Variants in FOCAD observed in about 807,000 individuals in gnomAD.
FOCAD encodes focadhesin.
FOCAD carries 198 observed loss-of-function variants against 225.6 expected under a neutral mutation model. The ratio of observed to expected loss-of-function variants is 0.88; its 90% CI spans 0.78 to 0.99. The LOEUF (loss-of-function observed/expected upper bound fraction) is 0.99. FOCAD is among the 50% of genes least tolerant of loss of function. The pLI, the probability that FOCAD is intolerant of heterozygous loss-of-function variation, is 0.00. For synonymous variants in FOCAD, 897 were observed against 755.0 expected (o/e 1.19, Z -3.08); for missense variants, 2,713 against 2,123.6 (o/e 1.28, Z -5.46).
At chr9:20,790,221 C>T (rs1820379726) in intron 11 of FOCAD, among the ~76,000 whole-genome samples, 1 of 152,166 alleles carries the variant, frequency 6.6e-6, no homozygotes, top group Non-Finnish European at 1.5e-5. Flanking sequence ...CAGCCTTTTA[C>T]ACTAACCACA....
intron 41 of FOCAD, among the ~76,000 whole-genome samples, chr9:20,989,756 C>T (rs1179776184): frequency 6.6e-6 from 1 of 152,186 alleles, no homozygotes; most frequent in East Asian, 1.9e-4. Context: ...ATAAATATTT[C>T]TTCATTTTGT....
intron 21 of FOCAD, among the ~76,000 whole-genome samples, chr9:20,898,844 G>A (rs991656668): frequency 6.6e-6 from 1 of 151,958 alleles, no homozygotes; most frequent in Non-Finnish European, 1.5e-5. Context: ...TAGGTCTTTA[G>A]TAATGTAGTG....
intron 20 of FOCAD, 46 bp from the exon 21 acceptor site, chr9:20,885,063 A>T (rs1830995138): frequency 1.7e-6 from 2 of 1,153,020 alleles, no homozygotes; most frequent in African/African-American, 3.3e-5. Flanking sequence ...TGTCTTAAAA[A>T]AATAAAAATA....
intron 5 of FOCAD, among the ~76,000 whole-genome samples, chr9:20,745,838 C>T (rs749758131): frequency 4.6e-5 from 7 of 152,054 alleles, no homozygotes; most frequent in African/African-American, 7.2e-5. Flanking sequence ...ATGGTGTGCT[C>T]GGAAGTGGAC....
intron 4 of FOCAD, among the ~76,000 whole-genome samples, chr9:20,729,021 C>G (rs1826443505): frequency 6.6e-6 from 1 of 152,194 alleles, no homozygotes; most frequent in Non-Finnish European, 1.5e-5. Context: ...GGCAGCCAGA[C>G]TGAGATTGGA....
In FOCAD at chr9:20,874,731, T is replaced by C. The variant is rs1027609541; in HGVS notation, c.2241T>C (p.Val747=). Residue 747 remains valine (V), a synonymous_variant, in exon 19 of 44, where the codon GTT becomes GTC. Coordinates refer to ENST00000338382, the MANE Select transcript of FOCAD (RefSeq NM_001375567.1). ...AAGAGTTAGATGACGATGAAGATGT[T>C]GAGGATGTGGATCTTTCAGTTCCTG... ...IPEELDDDED[V]EDVDLSVPGS... 6 of 1,613,598 alleles carry C rather than the reference T, an allele frequency of 3.7e-6. No homozygotes were observed. Among genetic ancestry groups the C allele is most frequent in the Non-Finnish European group, 5.1e-6 (6 of 1,179,676 alleles).
At chr9:20,938,395 C>G (rs1020209639) in intron 28 of FOCAD, among the ~76,000 whole-genome samples, 2 of 152,122 alleles carry the variant, frequency 1.3e-5, no homozygotes, top group Non-Finnish European at 2.9e-5. Flanking sequence ...GAATACTATG[C>G]AGCCATAAAA....
At chr9:20,907,852 C>A (rs1489706890) in intron 22 of FOCAD, among the ~76,000 whole-genome samples, 2 of 152,074 alleles carry the variant, frequency 1.3e-5, no homozygotes, top group Admixed American at 1.3e-4. Flanking sequence ...TCTCTCCCCA[C>A]TGGATTATAT....
intron 15 of FOCAD, among the ~76,000 whole-genome samples, chr9:20,840,905 AG>A (rs1189077603): frequency 6.6e-6 from 1 of 151,880 alleles, no homozygotes; most frequent in Non-Finnish European, 1.5e-5. Context: ...TTCTATACCC[AG>A]TTTTTTTAGA....
chr9:20,724,012 A>T (rs1399331778), intron 4 of FOCAD, among the ~76,000 whole-genome samples: 1 of 152,184 alleles, frequency 6.6e-6, no homozygotes, highest in Non-Finnish European at 1.5e-5. Flanking sequence ...TCTTTTAAAT[A>T]ACCAGATCTC....
rs192758336 is a variant in FOCAD at position 20,764,703 on chromosome 9, A to G, written c.495-166A>G. Among the ~76,000 whole-genome samples, 377 of 152,350 alleles carry G rather than the reference A, an allele frequency of 2.5e-3. 1 individual carries two copies. Among genetic ancestry groups the G allele is most frequent in the African/African-American group, 8.4e-3 (351 of 41,572 alleles). On this transcript the variant is annotated intron_variant, in intron 6 of 43. Transcript: ENST00000338382. ...CTCAGTGTACAAAGAACTGTTTGGC[A>G]TAGATGTAGGCAGGTCATAGCGGAA...
At chr9:20,922,597 G>A (rs1233999583) in intron 24 of FOCAD, among the ~76,000 whole-genome samples, 1 of 152,318 alleles carries the variant, frequency 6.6e-6, no homozygotes, top group African/African-American at 2.4e-5. Flanking sequence ...GGCTCATTTA[G>A]GGAGCAGAGC....
rs372641010 is a variant in FOCAD, at chr9:20,804,480, A to G, written c.1455+14872A>G. 9.9e-5 allele frequency among the ~76,000 whole-genome samples: 15 copies of G among 152,260 alleles called. 1 individual carries two copies. The East Asian group carries it at 2.7e-3, about 28-fold the overall frequency. ...CTGGAATCATTTTTAAAACAGTAGA[A>G]AAATGAAGAATCATGCATGCATATA... is the stretch of plus-strand genomic sequence containing the variant. On this transcript the variant is annotated intron_variant, in intron 11 of 43. Transcript: ENST00000338382.
Position 20,810,993 on chromosome 9 carries a change from T to A in FOCAD, c.1456-8803T>A, listed in dbSNP as rs1823004370. Reference sequence around the variant, plus strand: ...TCCTAGTAACCTTTATTGGATGGGCTAATTTTTCTGATTCTAAGTTAACTT... The same window carrying A: ...TCCTAGTAACCTTTATTGGATGGGCAAATTTTTCTGATTCTAAGTTAACTT... On this transcript the variant is annotated intron_variant, in intron 11 of 43. Transcript: ENST00000338382. 4.6e-5 allele frequency among the ~76,000 whole-genome samples: 7 copies of A among 152,264 alleles called. No homozygotes were observed. The South Asian group carries it at 1.5e-3, about 32-fold the overall frequency.
intron 2 of FOCAD, among the ~76,000 whole-genome samples, chr9:20,717,267 A>G (rs900538086): frequency 6.6e-6 from 1 of 152,228 alleles, no homozygotes; most frequent in Non-Finnish European, 1.5e-5. Flanking sequence ...ATTCACAGCT[A>G]TACCGTAATT....
intron 5 of FOCAD, among the ~76,000 whole-genome samples, chr9:20,744,443 A>G (rs1019021776): frequency 5.3e-5 from 8 of 152,214 alleles, no homozygotes; most frequent in Non-Finnish European, 1.2e-4. Context: ...AAGATTAGGC[A>G]TAGATATTTA....
At chr9:20,813,276 G>C (rs950294129) in intron 11 of FOCAD, among the ~76,000 whole-genome samples, 2 of 152,048 alleles carry the variant, frequency 1.3e-5, no homozygotes, top group Non-Finnish European at 2.9e-5. Flanking sequence ...TGGACATTTA[G>C]GTTGTTTCCA....
At chr9:20,747,995 A>C (rs896713304) in intron 5 of FOCAD, among the ~76,000 whole-genome samples, 7 of 152,050 alleles carry the variant, frequency 4.6e-5, no homozygotes, top group Admixed American at 1.3e-4. Context: ...AACTCTTAAA[A>C]AAATCGACGA....
At chr9:20,871,646 A>G (rs1391830298) in intron 18 of FOCAD, among the ~76,000 whole-genome samples, 2 of 150,496 alleles carry the variant, frequency 1.3e-5, no homozygotes, top group East Asian at 2.0e-4. Flanking sequence ...CTATGGAAAT[A>G]AAAAATTTAA....
Sources: gnomAD v4.1 joint callset for allele counts (sites outside exome capture counted in the v4.1 genomes callset) on GRCh38, gnomAD v4.1.1 for gene constraint, MANE v1.5 for transcripts, NCBI Gene and HGNC (gene_info 2026-07-23, HGNC 2026-07-21) for gene names.